Variants in PTK2B observed in about 807,000 individuals in gnomAD.
PTK2B encodes protein tyrosine kinase 2 beta, also known as protein-tyrosine kinase 2-beta.
Under a neutral mutation model 142.9 loss-of-function variants are expected in PTK2B, and 71 were observed. That is an observed-to-expected ratio of 0.50 (90% CI 0.41 to 0.61). The LOEUF is 0.61. PTK2B is among the 20% of genes least tolerant of loss of function. PTK2B has a pLI of 0.00. For synonymous variants in PTK2B, 519 were observed against 503.4 expected (o/e 1.03, Z -0.42); for missense variants, 1,105 against 1,320.4 (o/e 0.84, Z 2.53).
At chr8:27,314,305 G>A (rs959979362) in intron 3 of PTK2B, among the ~76,000 whole-genome samples, 4 of 152,236 alleles carry the variant, frequency 2.6e-5, no homozygotes, top group African/African-American at 4.8e-5. Flanking sequence ...GGCGGATCGG[G>A]CCAGGTGCCA....
intron 24 of PTK2B, among the ~76,000 whole-genome samples, chr8:27,449,169 G>A (rs1811656327): frequency 6.6e-6 from 1 of 152,186 alleles, no homozygotes; most frequent in Non-Finnish European, 1.5e-5. Context: ...GCCTTGGTCT[G>A]ACTAGTATTT....
At chr8:27,400,823 AAG>A (rs1389611314) in intron 2 of PTK2B, among the ~76,000 whole-genome samples, 1 of 152,186 alleles carries the variant, frequency 6.6e-6, no homozygotes, top group Non-Finnish European at 1.5e-5. Context: ...AGGAGGGAGA[AAG>A]AATCTAGAGA....
intron 23 of PTK2B, among the ~76,000 whole-genome samples, chr8:27,444,529 T>G (rs1811345963): frequency 6.6e-6 from 1 of 152,204 alleles, no homozygotes; most frequent in African/African-American, 2.4e-5. Flanking sequence ...TTTGTGTGCC[T>G]GCCTGCTGCT....
chr8:27,328,395 A>G (rs992030812), intron 1 of PTK2B, among the ~76,000 whole-genome samples: 1 of 152,224 alleles, frequency 6.6e-6, no homozygotes, highest in African/African-American at 2.4e-5. Context: ...TTGTAACAAC[A>G]AATTAGGGTC....
chr8:27,446,397 G>T (rs1449258220), intron 24 of PTK2B, among the ~76,000 whole-genome samples: 1 of 152,204 alleles, frequency 6.6e-6, no homozygotes, highest in Non-Finnish European at 1.5e-5. Flanking sequence ...GTGAGAAGGA[G>T]TTTAGGGCTA....
intron 20 of PTK2B, 30 bp from the exon 21 acceptor site, chr8:27,440,207 C>A (rs1476783554): frequency 6.2e-7 from 1 of 1,609,966 alleles, no homozygotes; most frequent in East Asian, 2.2e-5. Flanking sequence ...GTCTCCCCCA[C>A]CCAGGGCCTG....
upstream of PTK2B, chr8:27,311,388 G>T (rs1348506887): frequency 3.1e-6 from 3 of 974,070 alleles, no homozygotes; most frequent in Non-Finnish European, 4.3e-6. Context: ...GTGCGGGGGG[G>T]ATGGCGAGGG....
chr8:27,452,939 G>C (rs1382150281), intron 27 of PTK2B, 175 bp from the exon 28 acceptor site: 7 of 711,948 alleles, frequency 9.8e-6, no homozygotes, highest in African/African-American at 1.8e-5. Context: ...CCTGACTACT[G>C]CAAAACCAGG....
At chr8:27,350,016 G>A (rs1222649694) in intron 1 of PTK2B, among the ~76,000 whole-genome samples, 1 of 152,224 alleles carries the variant, frequency 6.6e-6, no homozygotes, top group Non-Finnish European at 1.5e-5. Flanking sequence ...GTAACATTCT[G>A]CAGGCTTCTC....
At chr8:27,417,777 A>G (rs7812782) in intron 2 of PTK2B, among the ~76,000 whole-genome samples, 123,802 of 152,034 alleles carry the variant, frequency 0.81, 50,924 homozygotes, top group Middle Eastern at 0.95. Flanking sequence ...ACAGCACAGG[A>G]GTTCTAGCCC....
chr8:27,364,933 T>C (rs1217468143), intron 1 of PTK2B, among the ~76,000 whole-genome samples: 1 of 152,198 alleles, frequency 6.6e-6, no homozygotes, highest in East Asian at 1.9e-4. Context: ...TTCCTGCAAA[T>C]CTGTCCTATG....
intron 1 of PTK2B, among the ~76,000 whole-genome samples, chr8:27,329,403 T>C (rs375066710): frequency 1.7e-3 from 252 of 152,236 alleles, no homozygotes; most frequent in African/African-American, 5.2e-3. Context: ...AGTAGCTCCA[T>C]GTACCCCAAA....
intron 2 of PTK2B, among the ~76,000 whole-genome samples, chr8:27,404,988 C>T (rs1213732916): frequency 2.7e-5 from 4 of 150,766 alleles, no homozygotes; most frequent in Non-Finnish European, 4.4e-5. Flanking sequence ...GAGGAAGAGG[C>T]TAGATTCCTC....
At position 27,397,609 on chromosome 8, in the gene PTK2B, A is replaced by T; in HGVS notation, c.25A>T (p.Ser9Cys). The change falls in exon 2 of 31, where the codon AGT (serine) becomes TGT (cysteine). Residue 9 changes from serine to cysteine, a missense_variant. Physicochemically the swap from Ser to Cys is moderately radical, Grantham distance 112 (BLOSUM62 -1). Coordinates refer to ENST00000346049, the MANE Select transcript of PTK2B (RefSeq NM_173176.3). Reference protein sequence around the residue: MSGVSEPLSRVKLGTLRRP... With the variant: MSGVSEPLCRVKLGTLRRP... ...GATGTCTGGGGTGTCCGAGCCCCTG[A>T]GTCGAGTAAAGTTGGGCACGTTACG... 6.2e-7 allele frequency: 1 copy of T among 1,614,020 alleles called. No homozygotes were observed. The highest frequency in any genetic ancestry group is 1.1e-5 in the South Asian group (1 of 91,078).
At chr8:27,416,242 C>T (rs1376950021) in intron 2 of PTK2B, among the ~76,000 whole-genome samples, 17 of 152,196 alleles carry the variant, frequency 1.1e-4, no homozygotes, top group Admixed American at 1.1e-3. Context: ...GGATGGGGAA[C>T]AGCGGAAGAC....
chr8:27,439,329 A>T lies in PTK2B; in HGVS notation c.1765A>T (p.Ile589Phe). ...YYKASVTRLPIKWMSPESINF... is the reference protein window; with the variant it reads ...YYKASVTRLPFKWMSPESINF... Reference sequence around the variant, plus strand: ...CAAAGCCTCTGTGACTCGTCTCCCCATCAAATGGATGTCCCCAGAGTCCAT... The same window carrying T: ...CAAAGCCTCTGTGACTCGTCTCCCCTTCAAATGGATGTCCCCAGAGTCCAT... The change falls in exon 20 of 31, where the codon ATC becomes TTC. Residue 589 changes from isoleucine (I) to phenylalanine (F), a missense_variant. Ile to Phe is a conservative substitution (Grantham distance 21). Coordinates refer to ENST00000346049, the MANE Select transcript of PTK2B (RefSeq NM_173176.3). 6.2e-7 allele frequency: 1 copy of T among 1,614,066 alleles called. No individual in the cohort carries two copies. Among genetic ancestry groups the T allele is most frequent in the Non-Finnish European group, 8.5e-7 (1 of 1,179,906 alleles).
At chr8:27,439,214 G>C in intron 19 of PTK2B, 83 bp downstream of exon 19, 8 of 1,564,074 alleles carry the variant, frequency 5.1e-6, no homozygotes, top group Non-Finnish European at 7.0e-6. Flanking sequence ...TCTACAGTTG[G>C]ACAGCCCAGG....
chr8:27,395,841 C>T (rs913986792), intron 1 of PTK2B, among the ~76,000 whole-genome samples: 4 of 152,176 alleles, frequency 2.6e-5, no homozygotes, highest in South Asian at 2.1e-4. Context: ...ACCTCTCAAA[C>T]GACTTCCCCC....
intron 1 of PTK2B, chr8:27,380,696 C>T (rs765492306): frequency 1.1e-4 from 16 of 152,342 alleles, no homozygotes; most frequent in Non-Finnish European, 1.9e-4. Flanking sequence ...TGAGATCCAT[C>T]GTGGCACCAA....
Sources: gnomAD v4.1 joint callset for allele counts (sites outside exome capture counted in the v4.1 genomes callset) on GRCh38, gnomAD v4.1.1 for gene constraint, MANE v1.5 for transcripts, NCBI Gene and HGNC (gene_info 2026-07-23, HGNC 2026-07-21) for gene names.